Variants in LRRC4C observed in about 807,000 individuals in gnomAD.
LRRC4C encodes leucine rich repeat containing 4C, also known as leucine-rich repeat-containing protein 4C.
In LRRC4C, 5 loss-of-function variants were observed where a neutral mutation model predicts 33.6. The ratio of observed to expected loss-of-function variants is 0.15; its 90% CI spans 0.08 to 0.31. The LOEUF (loss-of-function observed/expected upper bound fraction) is 0.31. Among genes scored for constraint, LRRC4C ranks in the 10% least tolerant of loss-of-function variants. The pLI is 1.00. For missense variants in LRRC4C, 560 were observed against 796.7 expected (o/e 0.70, Z 3.58); for synonymous variants, 329 against 302.0 (o/e 1.09, Z -0.93).
intron 3 of LRRC4C, among the ~76,000 whole-genome samples, chr11:40,373,863 C>T (rs779282256): frequency 2.0e-5 from 3 of 152,130 alleles, no homozygotes; most frequent in Non-Finnish European, 4.4e-5. Flanking sequence ...AGAAGCAAAG[C>T]GTACTCTGGA....
At chr11:40,450,906 C>T (rs184805432) in intron 3 of LRRC4C, among the ~76,000 whole-genome samples, 16 of 151,432 alleles carry the variant, frequency 1.1e-4, no homozygotes, top group South Asian at 8.4e-4. Context: ...TACACTTCTA[C>T]GGAACTAATG....
chr11:41,267,818 G>A (rs10837603), intron 1 of LRRC4C, among the ~76,000 whole-genome samples: 27,985 of 151,998 alleles, frequency 0.18, 3,145 homozygotes, highest in East Asian at 0.44. Flanking sequence ...TCATCGAACC[G>A]TAAGGATAAA....
intron 4 of LRRC4C, among the ~76,000 whole-genome samples, chr11:40,283,474 G>C (rs1320612866): frequency 6.6e-6 from 1 of 151,908 alleles, no homozygotes; most frequent in Non-Finnish European, 1.5e-5. Context: ...TGAAAAATGG[G>C]TCCCTACAGG....
intron 1 of LRRC4C, among the ~76,000 whole-genome samples, chr11:41,314,788 A>G (rs1012056130): frequency 6.6e-6 from 1 of 152,076 alleles, no homozygotes; most frequent in Non-Finnish European, 1.5e-5. Context: ...CCTAGAACTT[A>G]AAGTATAATA....
chr11:41,053,470 G>A (rs1858401041), intron 1 of LRRC4C, among the ~76,000 whole-genome samples: 1 of 152,192 alleles, frequency 6.6e-6, no homozygotes, highest in Non-Finnish European at 1.5e-5. Context: ...AAACCAAGAC[G>A]TAACTGACAC....
At position 41,111,784 on chromosome 11, in the gene LRRC4C, A is replaced by G. The variant is rs560571096; in HGVS notation, c.-495-178061T>C. Among the ~76,000 whole-genome samples, 26 of 152,158 alleles carry G rather than the reference A, an allele frequency of 1.7e-4. No homozygotes were observed. In the South Asian group the frequency reaches 3.3e-3, roughly 19 times the overall value. ...TAACCTTTCCCTGTCTAGATTTTACATATCTGGTGGTGGTACCAACTAGCT... is the reference window on the plus strand; with the variant it reads ...TAACCTTTCCCTGTCTAGATTTTACGTATCTGGTGGTGGTACCAACTAGCT... On this transcript the variant is annotated intron_variant, in intron 1 of 6. Coordinates refer to ENST00000528697, the MANE Select transcript of LRRC4C (RefSeq NM_001258419.2).
chr11:40,313,225 T>C (rs192947504), intron 4 of LRRC4C, among the ~76,000 whole-genome samples: 5 of 152,224 alleles, frequency 3.3e-5, no homozygotes, highest in Admixed American at 3.3e-4. Context: ...ACCATGTTGC[T>C]GGCTGCTACA....
chr11:41,178,076 G>A (rs1470853935), intron 1 of LRRC4C, among the ~76,000 whole-genome samples: 1 of 152,082 alleles, frequency 6.6e-6, no homozygotes, highest in Non-Finnish European at 1.5e-5. Context: ...TGTCTCCCAA[G>A]CCCATTACAT....
At chr11:40,762,322 T>C (rs995002569) in intron 2 of LRRC4C, among the ~76,000 whole-genome samples, 13 of 152,206 alleles carry the variant, frequency 8.5e-5, no homozygotes, top group Admixed American at 5.2e-4. Context: ...TTAGCAAATG[T>C]GGGTCATTCC....
intron 1 of LRRC4C, among the ~76,000 whole-genome samples, chr11:41,386,125 T>A (rs1461929912): frequency 1.3e-5 from 2 of 151,734 alleles, no homozygotes; most frequent in Non-Finnish European, 3.0e-5. Context: ...ATATATTTAA[T>A]ACTGTTTATT....
chr11:40,716,608 G>T (rs1020391784), intron 2 of LRRC4C, among the ~76,000 whole-genome samples: 1 of 152,090 alleles, frequency 6.6e-6, no homozygotes, highest in Non-Finnish European at 1.5e-5. Flanking sequence ...AGATACTAAA[G>T]TCAGCATATA....
chr11:40,814,071 T>C (rs796324476), intron 2 of LRRC4C, among the ~76,000 whole-genome samples: 34 of 152,228 alleles, frequency 2.2e-4, no homozygotes, highest in African/African-American at 7.7e-4. Flanking sequence ...CTTCTCACGG[T>C]TCCACTAGGC....
chr11:41,372,100 G>A (rs1952770685), intron 1 of LRRC4C, among the ~76,000 whole-genome samples: 1 of 152,226 alleles, frequency 6.6e-6, no homozygotes, highest in Admixed American at 6.5e-5. Context: ...TCGTGCCACT[G>A]CACTCCAGCC....
chr11:41,189,905 T>C (rs187481078), intron 1 of LRRC4C, among the ~76,000 whole-genome samples: 1 of 152,182 alleles, frequency 6.6e-6, no homozygotes, highest in Non-Finnish European at 1.5e-5. Context: ...GACGTGCCTT[T>C]ATTCAGGATG....
chr11:40,719,227 C>T (rs1793594392), intron 2 of LRRC4C, among the ~76,000 whole-genome samples: 1 of 152,170 alleles, frequency 6.6e-6, no homozygotes, highest in Non-Finnish European at 1.5e-5. Context: ...GTAATCATCT[C>T]TTGAAAAAGA....
intron 3 of LRRC4C, among the ~76,000 whole-genome samples, chr11:40,490,650 TCTC>T (rs1211809066): frequency 6.6e-6 from 1 of 152,164 alleles, no homozygotes; most frequent in Non-Finnish European, 1.5e-5. Flanking sequence ...GGAAAACGCT[TCTC>T]CTTTTCCACT....
chr11:40,984,844 G>A (rs976991104), intron 1 of LRRC4C, among the ~76,000 whole-genome samples: 1 of 138,156 alleles, frequency 7.2e-6, no homozygotes, highest in African/African-American at 2.6e-5. Context: ...AAAAACTTCT[G>A]ACTTAAAGAC....
intron 1 of LRRC4C, among the ~76,000 whole-genome samples, chr11:41,121,679 G>A (rs1225374280): frequency 6.6e-6 from 1 of 152,122 alleles, no homozygotes; most frequent in Non-Finnish European, 1.5e-5. Context: ...CTCTGGCCCT[G>A]TCAGGATCAG....
At chr11:41,107,257 A>G (rs574001771) in intron 1 of LRRC4C, among the ~76,000 whole-genome samples, 1 of 152,152 alleles carries the variant, frequency 6.6e-6, no homozygotes, top group South Asian at 2.1e-4. Flanking sequence ...TATATTAATA[A>G]ACACCTTCTA....
Sources: allele counts gnomAD v4.1 joint callset (sites outside exome capture counted in the v4.1 genomes callset), GRCh38; gene constraint gnomAD v4.1.1; transcripts MANE v1.5; gene names NCBI Gene and HGNC (gene_info 2026-07-23, HGNC 2026-07-21).